The following ADGRG1 variants were observed in gnomAD, a reference collection of about 807,000 sequenced individuals.
ADGRG1 encodes adhesion G protein-coupled receptor G1, also known as 7-transmembrane protein with no EGF-like N-terminal domains-1.
ADGRG1 carries 53 observed loss-of-function variants against 73.5 expected under a neutral mutation model. The observed-to-expected ratio is 0.72, with a 90% confidence interval of 0.58 to 0.91. The LOEUF (loss-of-function observed/expected upper bound fraction) is 0.91, where lower values mean the gene tolerates loss of function less well. Ranked by LOEUF, ADGRG1 falls within the 40% of genes least tolerant of loss-of-function variation. The probability of loss-of-function intolerance (pLI) is 0.00; values close to 1 mark genes in which losing one functional copy is unlikely to be tolerated. For missense variants in ADGRG1, 795 were observed against 871.8 expected, an observed-to-expected ratio of 0.91 and a Z score of 1.11; for synonymous variants, 394 against 374.4, an observed-to-expected ratio of 1.05 and a Z score of -0.60.
upstream of ADGRG1, chr16:57,623,739 G>T: frequency 2.1e-6 from 2 of 960,360 alleles, no homozygotes; most frequent in Non-Finnish European, 2.5e-6. Flanking sequence ...CGCAATCCCT[G>T]CTGGGCCTGG....
chr16:57,622,790 C>G, upstream of ADGRG1: 2 of 985,378 alleles, frequency 2.0e-6, no homozygotes, highest in Non-Finnish European at 2.4e-6. Context: ...CACTGTCTAC[C>G]TTCTATCTCA....
intron 1 of ADGRG1, chr16:57,643,687 T>A: frequency 1.0e-6 from 1 of 985,222 alleles, no homozygotes; most frequent in Non-Finnish European, 1.2e-6. Context: ...TCTCCTTTAT[T>A]GTAGGAAAAT....
Position 57,632,200 on chromosome 16 carries a change from G to A in ADGRG1, c.-36+3398G>A, listed in dbSNP as rs1480165804. 4.1e-6 allele frequency: 4 copies of A among 985,444 alleles called. No individual in the cohort carries two copies. In the East Asian group the frequency reaches 3.4e-4, roughly 84 times the overall value. 61.0% of individuals were successfully genotyped at this position (985,444 alleles called of 1,614,324 possible). A position where few individuals can be genotyped will look rare whatever the true frequency, so the allele number is the denominator to read the frequency against. On this transcript the variant is annotated intron_variant, in intron 1 of 13. Transcript: ENST00000562631. ...GCTCTTGTCCCTTGGTGGAGAGGAG[G>A]CTCCTCAGCCAGCCAGGCACATGCT...
At chr16:57,622,210 GCTCT>G (rs2034979590) in intron 2 of ADGRG1, 3 of 152,032 alleles carry the variant, frequency 2.0e-5, no homozygotes, top group Non-Finnish European at 4.4e-5. Context: ...AGTGACAGAG[GCTCT>G]CTAAGATAGG....
At chr16:57,644,274 ACACT>A (rs1450245498) in intron 1 of ADGRG1, 4 of 769,274 alleles carry the variant, frequency 5.2e-6, no homozygotes, top group Middle Eastern at 6.6e-4. Flanking sequence ...ACGGGCACAC[ACACT>A]CATCACACAC....
In ADGRG1 at chr16:57,659,506, G is replaced by A. The variant is rs2148533617; in HGVS notation, c.1380G>A (p.Val460=). ...LDTSFLLSEP[V]ALTGSEAGCR... ...CGAGCTTCCTGCTCAGCGAGCCGGT[G>A]GCCCTGACAGGCTCTGAGGCTGGCT... is the stretch of plus-strand genomic sequence containing the variant. Residue 460 remains valine (V), a synonymous_variant, in exon 11 of 14, where the codon GTG becomes GTA. Coordinates refer to ENST00000562631, the MANE Select transcript of ADGRG1 (RefSeq NM_201525.4). 1 of 1,613,826 alleles carries A rather than the reference G, an allele frequency of 6.2e-7. No individual in the cohort carries two copies. The highest frequency in any genetic ancestry group is 8.5e-7 in the Non-Finnish European group (1 of 1,179,790).
intron 1 of ADGRG1, among the ~76,000 whole-genome samples, chr16:57,644,835 T>A (rs2042085914): frequency 7.8e-6 from 1 of 128,196 alleles, no homozygotes; most frequent in South Asian, 2.6e-4. Flanking sequence ...CACACACTGA[T>A]CACACTCATG....
rs918282538 is a variant in ADGRG1, at chr16:57,628,935, T to A, written c.-36+133T>A. The A allele has an allele frequency of 2.9e-5, 22 of 765,640 alleles. 1 individual carries two copies. The highest frequency in any genetic ancestry group is 1.4e-4 in the African/African-American group (6 of 43,102). The allele number at this position is 765,640 out of a possible 1,614,324, so 47.4% of individuals were successfully genotyped here. ...GTGTGAGAGTGAGTGTGAGTGTGAG[T>A]GTGAGCGTGAGAGTGTGAGAGTGTG... On this transcript the variant is annotated intron_variant, in intron 1 of 13. Transcript: ENST00000562631.
At chr16:57,630,511 G>C (rs565822185) in intron 1 of ADGRG1, 4 of 985,484 alleles carry the variant, frequency 4.1e-6, no homozygotes, top group African/African-American at 1.7e-5. Flanking sequence ...CCTGGCTCCC[G>C]TAGGCCTGGG....
rs576796308 is a variant in ADGRG1, at chr16:57,644,348, TCA to T, written c.-35-5899_-35-5898del. ...ATTCATGCATGGGCACACACACTGA[TCA>T]CACACTCATGCACGGGCACACAGCC... On this transcript the variant is annotated intron_variant, in intron 1 of 13. Transcript: ENST00000562631. 153 of 252,032 alleles carry T rather than the reference TCA, an allele frequency of 6.1e-4. 1 individual carries two copies. The highest frequency in any genetic ancestry group is 4.8e-3 in the Middle Eastern group (2 of 414). 15.6% of individuals were successfully genotyped at this position (252,032 alleles called of 1,614,324 possible). A position where few individuals can be genotyped will look rare whatever the true frequency, so the allele number is the denominator to read the frequency against.
chr16:57,644,491 C>T (rs2041817708), intron 1 of ADGRG1, among the ~76,000 whole-genome samples: 1 of 148,156 alleles, frequency 6.7e-6, no homozygotes. Context: ...CATGCACACA[C>T]ATATGCACAC....
At position 57,653,269 on chromosome 16, in the gene ADGRG1, T is replaced by C; in HGVS notation, c.554T>C (p.Leu185Pro). ...TGCGAGCTCAAAAGGGACCTCCAGC[T>C]GCTCAGCCAGTTCCTGAAGCATCCC... ...DMCELKRDLQ[L>P]LSQFLKHPQK... is the part of the protein sequence containing the mutation. Residue 185 changes from leucine (L) to proline (P), a missense_variant, in exon 4 of 14, where the codon CTG becomes CCG. By Grantham distance (98) the Leu-to-Pro change is moderately conservative. Transcript: ENST00000562631. 6.2e-7 allele frequency: 1 copy of C among 1,612,946 alleles called. No homozygotes were observed. Among genetic ancestry groups the C allele is most frequent in the Non-Finnish European group, 8.5e-7 (1 of 1,179,956 alleles).
chr16:57,660,486 G>A (rs2046821876), intron 11 of ADGRG1: 4 of 793,340 alleles, frequency 5.0e-6, no homozygotes, highest in Non-Finnish European at 6.1e-6. Flanking sequence ...GTGACATCCA[G>A]CCCTGCAGCA....
At chr16:57,631,633 G>A in intron 1 of ADGRG1, 1 of 985,438 alleles carries the variant, frequency 1.0e-6, no homozygotes, top group Non-Finnish European at 1.2e-6. Flanking sequence ...CATCATGTGA[G>A]CAAACCCAGC....
chr16:57,631,385 C>A, intron 1 of ADGRG1: 1 of 985,908 alleles, frequency 1.0e-6, no homozygotes, highest in East Asian at 1.1e-4. Flanking sequence ...GTCTGGGGGG[C>A]TGTGCCATTT....
upstream of ADGRG1, chr16:57,624,155 T>C: frequency 1.0e-6 from 1 of 975,810 alleles, no homozygotes; most frequent in Non-Finnish European, 1.2e-6. Context: ...ATATGGTCAC[T>C]CAGCTTGCAA....
chr16:57,641,631 T>C (rs1291843251), intron 1 of ADGRG1: 60 of 859,910 alleles, frequency 7.0e-5, no homozygotes, highest in Non-Finnish European at 7.8e-5. Context: ...AGTGGTGTGA[T>C]CTTGGCTCAT....
chr16:57,658,950 G>T (rs560773143), intron 10 of ADGRG1: 2 of 983,160 alleles, frequency 2.0e-6, no homozygotes, highest in South Asian at 9.4e-5. Context: ...CCTGGAGTGG[G>T]GGTGGGGTGG....
intron 1 of ADGRG1, chr16:57,634,079 G>C: frequency 1.0e-6 from 1 of 985,458 alleles, no homozygotes; most frequent in African/African-American, 1.7e-5. Flanking sequence ...TGGAGAGGAG[G>C]CCTGGGTTCC....
Sources: gnomAD v4.1 joint callset for allele counts (sites outside exome capture counted in the v4.1 genomes callset) on GRCh38, gnomAD v4.1.1 for gene constraint, MANE v1.5 for transcripts, NCBI Gene and HGNC (gene_info 2026-07-23, HGNC 2026-07-21) for gene names.